PCDHGA1: variants seen among roughly 807,000 people sequenced by gnomAD.
PCDHGA1 encodes the protein protocadherin gamma-A1.
In PCDHGA1, 32 loss-of-function variants were observed where a neutral mutation model predicts 58.0. The observed-to-expected ratio is 0.55, with a 90% CI of 0.42 to 0.74. The LOEUF (loss-of-function observed/expected upper bound fraction) is 0.74, where lower values mean the gene tolerates loss of function less well. Ranked by LOEUF, PCDHGA1 falls within the 30% of genes least tolerant of loss-of-function variation. PCDHGA1 has a pLI of 0.00. For synonymous variants in PCDHGA1, 498 were observed against 501.1 expected (o/e 0.99, Z 0.08); for missense variants, 1,205 against 1,182.3 (o/e 1.02, Z -0.28).
chr5:141,405,698 G>C (rs1274236930), intron 1 of PCDHGA1, among the ~76,000 whole-genome samples: 1 of 152,128 alleles, frequency 6.6e-6, no homozygotes, highest in Non-Finnish European at 1.5e-5. Flanking sequence ...GGCTGGTCTT[G>C]AATTCCTAAC....
At chr5:141,418,455 C>G (rs1287627325) in intron 1 of PCDHGA1, 3 of 1,613,990 alleles carry the variant, frequency 1.9e-6, no homozygotes, top group Non-Finnish European at 2.5e-6. Flanking sequence ...TTGCAGAAGA[C>G]TCTGGACCGA....
chr5:141,427,978 T>C (rs750753961), intron 1 of PCDHGA1: 1 of 1,595,484 alleles, frequency 6.3e-7, no homozygotes, highest in African/African-American at 1.3e-5. Flanking sequence ...TACCCCGCGC[T>C]GGGGCCCGAT....
intron 1 of PCDHGA1, among the ~76,000 whole-genome samples, chr5:141,473,191 G>A (rs28479996): frequency 0.019 from 2,957 of 152,242 alleles, 87 homozygotes; most frequent in African/African-American, 0.062. Context: ...AGGAGTAAAT[G>A]TATCTTCTAA....
chr5:141,499,260 G>T (rs2099790657), intron 2 of PCDHGA1, among the ~76,000 whole-genome samples: 1 of 152,028 alleles, frequency 6.6e-6, no homozygotes, highest in African/African-American at 2.4e-5. Context: ...GTCTCCATTT[G>T]GTCCCTAGAC....
At chr5:141,403,890 C>A in intron 1 of PCDHGA1, 1 of 1,613,714 alleles carries the variant, frequency 6.2e-7, no homozygotes, top group Non-Finnish European at 8.5e-7. Flanking sequence ...GAAGAATGTT[C>A]ATTTTATGAA....
At chr5:141,393,243 G>A in intron 1 of PCDHGA1, 4 of 1,613,784 alleles carry the variant, frequency 2.5e-6, no homozygotes, top group Non-Finnish European at 3.4e-6. Flanking sequence ...AAAAATTAAC[G>A]AAATCGCGGT....
At position 141,486,927 on chromosome 5, in the gene PCDHGA1, G is replaced by A; in HGVS notation, c.2422-7880G>A. ...CCCCAAGCACTGCCTCCATCAGTTG[G>A]TGCTGGCCACCTAATCACAAAGGTG... On this transcript the variant is annotated intron_variant, in intron 1 of 3. Transcript: ENST00000517417. The surrounding 1 kb of genome is among the most constrained non-coding windows in gnomAD (Gnocchi z 5.0). 4 of 1,614,226 alleles carry A rather than the reference G, an allele frequency of 2.5e-6. No individual in the cohort carries two copies. Among genetic ancestry groups the A allele is most frequent in the Non-Finnish European group, 3.4e-6 (4 of 1,180,046 alleles).
At chr5:141,401,016 A>G (rs910501602) in intron 1 of PCDHGA1, among the ~76,000 whole-genome samples, 2 of 152,182 alleles carry the variant, frequency 1.3e-5, no homozygotes, top group Admixed American at 6.5e-5. Context: ...TAATGGATTT[A>G]TGATTTTTTG....
rs1460389320 is a variant in PCDHGA1 at position 141,490,134 on chromosome 5, C to T, written c.2422-4673C>T. The T allele has an allele frequency of 2.5e-6, 4 of 1,614,114 alleles. No homozygotes were observed. Among genetic ancestry groups the T allele is most frequent in the Admixed American group, 3.3e-5 (2 of 59,998 alleles). ...GGAACCTCTTTGGCCTAGACCCTAG[C>T]AGTGGGGCAATCCATGTGTTGGGTC... On this transcript the variant is annotated intron_variant, in intron 1 of 3. Coordinates refer to ENST00000517417, the MANE Select transcript of PCDHGA1 (RefSeq NM_018912.3). This position sits in a 1 kb window ranked among gnomAD's most constrained non-coding sequence, Gnocchi z 5.4.
rs563145930 is a variant in PCDHGA1 at position 141,392,984 on chromosome 5, GA to G, written c.2421+59881del. 408 of 1,613,914 alleles carry G rather than the reference GA, an allele frequency of 2.5e-4. 2 individuals carry two copies. In the African/African-American group the frequency reaches 4.6e-3, roughly 18 times the overall value. On this transcript the variant is annotated intron_variant, in intron 1 of 3. Transcript: ENST00000517417. The stretch of plus-strand genomic sequence containing the variant: ...CCAAGGACCTGGGGCTGGACCCCCG[GA>G]AGCTGGCGAAGCACGGAGTCCGTAT...
At chr5:141,502,483 G>A (rs773081419) in intron 2 of PCDHGA1, among the ~76,000 whole-genome samples, 42 of 152,144 alleles carry the variant, frequency 2.8e-4, no homozygotes, top group Non-Finnish European at 4.7e-4. Context: ...GCATCACACT[G>A]GGACTCATCT....
At chr5:141,339,078 G>C (rs758233517) in intron 1 of PCDHGA1, 1 of 1,614,182 alleles carries the variant, frequency 6.2e-7, no homozygotes, top group Non-Finnish European at 8.5e-7. Context: ...TATTCTGTGC[G>C]GGAAGAGATC....
Position 141,487,691 on chromosome 5 carries a change from A to T in PCDHGA1, c.2422-7116A>T. On this transcript the variant is annotated intron_variant, in intron 1 of 3. Transcript: ENST00000517417. The surrounding 1 kb of genome is among the most constrained non-coding windows in gnomAD (Gnocchi z 5.0). ...CATATGGCTAGGCCATGTCCTAGAG[A>T]GTACTGGCCTCTCAGTAAGTGCCCA... 6.2e-7 allele frequency: 1 copy of T among 1,604,122 alleles called. No individual in the cohort carries two copies. The highest frequency in any genetic ancestry group is 8.5e-7 in the Non-Finnish European group (1 of 1,174,384).
rs747132868 is a variant in PCDHGA1 at position 141,431,424 on chromosome 5, G to C, written c.2422-63383G>C. ...GCCTCCGACGGGGGCGACCCGGTGC[G>C]CACAGGCACCGCGCGCATCCGCGTG... On this transcript the variant is annotated intron_variant, in intron 1 of 3. Coordinates refer to ENST00000517417, the MANE Select transcript of PCDHGA1 (RefSeq NM_018912.3). This position sits in a 1 kb window ranked among gnomAD's most constrained non-coding sequence, Gnocchi z 4.8. The C allele has an allele frequency of 6.2e-7, 1 of 1,613,558 alleles. No individual in the cohort carries two copies. The highest frequency in any genetic ancestry group is 1.1e-5 in the South Asian group (1 of 91,082).
intron 1 of PCDHGA1, chr5:141,418,421 G>A (rs776535087): frequency 2.5e-6 from 4 of 1,613,966 alleles, no homozygotes; most frequent in Non-Finnish European, 3.4e-6. Flanking sequence ...CAATCCTGAT[G>A]GTGGCAAATA....
intron 1 of PCDHGA1, chr5:141,371,219 C>G: frequency 6.2e-7 from 1 of 1,613,954 alleles, no homozygotes. Context: ...GCATCAATGC[C>G]GAAATCATCT....
At position 141,334,102 on chromosome 5, in the gene PCDHGA1, C is replaced by T. The variant is rs939866673; in HGVS notation, c.2421+997C>T. ...TCTGCTCCAATAAAATACAGAGATACATAAAATATAAGAGGAAAGCAAAAG... is the reference window on the plus strand; with the variant it reads ...TCTGCTCCAATAAAATACAGAGATATATAAAATATAAGAGGAAAGCAAAAG... On this transcript the variant is annotated intron_variant, in intron 1 of 3. Transcript: ENST00000517417. The surrounding 1 kb of genome is among the most constrained non-coding windows in gnomAD (Gnocchi z 4.6). 1 of 152,092 alleles carries T rather than the reference C, an allele frequency of 6.6e-6. No individual in the cohort carries two copies. Among genetic ancestry groups the T allele is most frequent in the African/African-American group, 2.4e-5 (1 of 41,414 alleles). The allele number at this position is 152,092 out of a possible 1,614,324, so 9.4% of individuals were successfully genotyped here. A position where few individuals can be genotyped will look rare whatever the true frequency, so the allele number is the denominator to read the frequency against.
At chr5:141,353,663 T>C (rs1218288204) in intron 1 of PCDHGA1, among the ~76,000 whole-genome samples, 1 of 152,266 alleles carries the variant, frequency 6.6e-6, no homozygotes, top group East Asian at 1.9e-4. Context: ...ACAAAGAATG[T>C]AATGAACATT....
chr5:141,381,965 G>C (rs571350764), intron 1 of PCDHGA1, among the ~76,000 whole-genome samples: 96 of 151,186 alleles, frequency 6.3e-4, no homozygotes, highest in African/African-American at 2.2e-3. Flanking sequence ...GAGTAGCTGG[G>C]ATTACAGGCG....
Sources: allele counts gnomAD v4.1 joint callset (sites outside exome capture counted in the v4.1 genomes callset), GRCh38; gene constraint gnomAD v4.1.1; non-coding constraint Gnocchi (gnomAD v3.1); transcripts MANE v1.5; gene names NCBI Gene and HGNC (gene_info 2026-07-23, HGNC 2026-07-21).